CACNB2: variants seen among roughly 807,000 people sequenced by gnomAD.
CACNB2 encodes calcium voltage-gated channel auxiliary subunit beta 2.
Under a neutral mutation model 73.3 loss-of-function variants are expected in CACNB2, and 42 were observed. The ratio of observed to expected loss-of-function variants is 0.57; its 90% CI spans 0.45 to 0.74. The LOEUF (loss-of-function observed/expected upper bound fraction) is 0.74. Among genes scored for constraint, CACNB2 ranks in the 30% least tolerant of loss-of-function variants. CACNB2 has a pLI of 0.00. For synonymous variants in CACNB2, 348 were observed against 310.3 expected (o/e 1.12, Z -1.28); for missense variants, 940 against 853.0 (o/e 1.10, Z -1.27).
intron 3 of CACNB2, among the ~76,000 whole-genome samples, chr10:18,428,985 A>C (rs1564537534): frequency 1.3e-5 from 2 of 151,490 alleles, no homozygotes; most frequent in Non-Finnish European, 2.9e-5. Flanking sequence ...ATTTGTTTAC[A>C]TTTATTCACT....
intron 2 of CACNB2, among the ~76,000 whole-genome samples, chr10:18,343,035 A>C (rs1415963105): frequency 6.6e-6 from 1 of 152,188 alleles, no homozygotes; most frequent in Non-Finnish European, 1.5e-5. Context: ...TTACCCATTT[A>C]ATTCTCATTG....
intron 2 of CACNB2, among the ~76,000 whole-genome samples, chr10:18,175,124 A>G (rs1398836744): frequency 6.6e-6 from 1 of 152,212 alleles, no homozygotes; most frequent in Admixed American, 6.5e-5. Flanking sequence ...AAATAGACGT[A>G]TAGAATCTTA....
intron 3 of CACNB2, among the ~76,000 whole-genome samples, chr10:18,496,998 G>T (rs1391536319): frequency 6.6e-6 from 1 of 151,248 alleles, no homozygotes; most frequent in African/African-American, 2.4e-5. Flanking sequence ...ATCACCCAAG[G>T]TCAGGGGTTC....
intron 2 of CACNB2, among the ~76,000 whole-genome samples, chr10:18,249,146 A>T (rs1005629775): frequency 7.2e-5 from 11 of 152,014 alleles, no homozygotes; most frequent in African/African-American, 2.7e-4. Context: ...GAAAATAGCA[A>T]CTCTCTAAAA....
intron 2 of CACNB2, among the ~76,000 whole-genome samples, chr10:18,236,302 C>T (rs775053896): frequency 6.6e-6 from 1 of 152,154 alleles, no homozygotes; most frequent in Non-Finnish European, 1.5e-5. Context: ...CACAGAGGCA[C>T]GATCGGCTGC....
rs2040151919 is a variant in CACNB2 at position 18,315,585 on chromosome 10, T to C, written c.214-86339T>C. On this transcript the variant is annotated intron_variant, in intron 2 of 13. Coordinates refer to ENST00000324631, the MANE Select transcript of CACNB2 (RefSeq NM_201596.3). ...GGTGCCTGCCTGTGGTCCCAGTTGC[T>C]CTGGAGCCTGAGGTGGGAGGGTAAC... is the stretch of plus-strand genomic sequence containing the variant. Among the ~76,000 whole-genome samples the C allele has an allele frequency of 2.7e-5, 4 of 145,794 alleles. No homozygotes were observed. The Admixed American group carries it at 2.8e-4, about 10-fold the overall frequency.
At chr10:18,262,429 G>A (rs1212785329) in intron 2 of CACNB2, among the ~76,000 whole-genome samples, 2 of 152,146 alleles carry the variant, frequency 1.3e-5, no homozygotes, top group African/African-American at 2.4e-5. Context: ...GGTTTTTGCA[G>A]TTGTTACATA....
At chr10:18,274,354 A>G (rs969898687) in intron 2 of CACNB2, among the ~76,000 whole-genome samples, 3 of 152,210 alleles carry the variant, frequency 2.0e-5, no homozygotes, top group Admixed American at 6.5e-5. Context: ...GAACACTGCA[A>G]ATATCTTAAA....
chr10:18,433,258 G>C (rs929501730), intron 3 of CACNB2, among the ~76,000 whole-genome samples: 2 of 152,186 alleles, frequency 1.3e-5, no homozygotes, highest in Admixed American at 1.3e-4. Flanking sequence ...CCAAGAGCAG[G>C]AGAGAGAGCA....
intron 2 of CACNB2, among the ~76,000 whole-genome samples, chr10:18,223,416 T>C (rs1358269981): frequency 6.6e-6 from 1 of 152,220 alleles, no homozygotes; most frequent in Non-Finnish European, 1.5e-5. Context: ...TTAATTTTTG[T>C]GAAAGCAAAA....
chr10:18,141,291 G>A lies in CACNB2; in HGVS notation c.120+435G>A, dbSNP rs12572321. 148,245 of 1,263,662 alleles carry A rather than the reference G, an allele frequency of 0.12. 9,737 individuals are homozygous for A. Among genetic ancestry groups the A allele is most frequent in the Admixed American group, 0.21 (10,403 of 50,552 alleles). The allele number at this position is 1,263,662 out of a possible 1,614,324, so 78.3% of individuals were successfully genotyped here. On this transcript the variant is annotated intron_variant, in intron 1 of 13. Coordinates refer to ENST00000324631, the MANE Select transcript of CACNB2 (RefSeq NM_201596.3). The stretch of plus-strand genomic sequence containing the variant: ...ATGCCGACTCTCCTGGCCACGCTCC[G>A]AGCCGGGGTGGGCGTGGGTGTGAGG...
chr10:18,326,636 A>C (rs750705232), intron 2 of CACNB2, among the ~76,000 whole-genome samples: 10 of 152,216 alleles, frequency 6.6e-5, no homozygotes, highest in African/African-American at 9.6e-5. Flanking sequence ...AGATATCTTC[A>C]CTTTTCTTTG....
chr10:18,378,637 G>A (rs2042895066), intron 2 of CACNB2, among the ~76,000 whole-genome samples: 1 of 152,128 alleles, frequency 6.6e-6, no homozygotes, highest in Non-Finnish European at 1.5e-5. Context: ...TGTGATCCCA[G>A]CTACTCGGGA....
intron 2 of CACNB2, among the ~76,000 whole-genome samples, chr10:18,171,336 A>G (rs1198643019): frequency 6.6e-6 from 1 of 152,022 alleles, no homozygotes; most frequent in African/African-American, 2.4e-5. Context: ...AGGCAACAAG[A>G]GATATGTTGC....
chr10:18,164,195 G>A (rs541042736), intron 2 of CACNB2, among the ~76,000 whole-genome samples: 1 of 152,206 alleles, frequency 6.6e-6, no homozygotes, highest in African/African-American at 2.4e-5. Flanking sequence ...AGGTCACAGG[G>A]TTTAGAGCTG....
intron 2 of CACNB2, among the ~76,000 whole-genome samples, chr10:18,372,551 T>C (rs1407093577): frequency 6.6e-6 from 1 of 152,008 alleles, no homozygotes; most frequent in Non-Finnish European, 1.5e-5. Flanking sequence ...GGATTACAGA[T>C]GTCCGCCACT....
At chr10:18,296,263 T>C (rs2039278878) in intron 2 of CACNB2, among the ~76,000 whole-genome samples, 2 of 152,182 alleles carry the variant, frequency 1.3e-5, no homozygotes, top group African/African-American at 4.8e-5. Flanking sequence ...AGCTCCCTGT[T>C]GTTACTCTCC....
chr10:18,419,195 C>CT (rs2045179906), intron 3 of CACNB2, among the ~76,000 whole-genome samples: 1 of 152,204 alleles, frequency 6.6e-6, no homozygotes, highest in Admixed American at 6.5e-5. Context: ...TCTGAGCGTA[C>CT]TGTGACTTGC....
intron 2 of CACNB2, among the ~76,000 whole-genome samples, chr10:18,299,098 A>G (rs1309684318): frequency 2.9e-5 from 3 of 102,882 alleles, no homozygotes; most frequent in African/African-American, 7.4e-5. Flanking sequence ...TAAAAGAAAA[A>G]ATAAAAAGAA....
Sources: allele counts gnomAD v4.1 joint callset (sites outside exome capture counted in the v4.1 genomes callset), GRCh38; gene constraint gnomAD v4.1.1; transcripts MANE v1.5; gene names NCBI Gene and HGNC (gene_info 2026-07-23, HGNC 2026-07-21).